ITGA8: variants seen among roughly 807,000 people sequenced by gnomAD.
ITGA8 encodes the protein integrin subunit alpha 8.
A neutral mutation model predicts 142.3 loss-of-function variants in ITGA8; 91 were observed. The observed-to-expected ratio is 0.64, with a 90% CI of 0.54 to 0.76. ITGA8 has a LOEUF of 0.76. Ranked by LOEUF, ITGA8 falls within the 30% of genes least tolerant of loss-of-function variation. The pLI is 0.00. For missense variants in ITGA8, 1,406 were observed against 1,327.7 expected (o/e 1.06, Z -0.92); for synonymous variants, 505 against 485.2 (o/e 1.04, Z -0.54).
rs768261688 is a variant in ITGA8, at chr10:15,548,480, C to T, written c.2855G>A (p.Arg952Gln). The T allele has an allele frequency of 1.7e-5, 27 of 1,609,830 alleles. No individual in the cohort carries two copies. Among genetic ancestry groups the T allele is most frequent in the Admixed American group, 3.4e-5 (2 of 58,948 alleles). ...GESAVLKVRSRLWAHTFLQRK... is the reference protein window; with the variant it reads ...GESAVLKVRSQLWAHTFLQRK... ...CTGGAGGAAGGTGTGGGCCCATAAT[C>T]GTGACCTGACTTTCAGGACTGCGCT... Residue 952 changes from arginine (R) to glutamine (Q), a missense_variant, in exon 27 of 30, where the codon CGA (arginine) becomes CAA (glutamine). Physicochemically the swap from Arg to Gln is conservative, Grantham distance 43. Transcript: ENST00000378076.
intron 27 of ITGA8, among the ~76,000 whole-genome samples, chr10:15,533,633 A>G (rs1464919683): frequency 1.3e-5 from 2 of 152,212 alleles, no homozygotes; most frequent in Non-Finnish European, 2.9e-5. Context: ...AAAAATTGAT[A>G]GAAAATATTA....
chr10:15,625,339 C>T (rs1233901881), intron 13 of ITGA8, among the ~76,000 whole-genome samples: 1 of 152,196 alleles, frequency 6.6e-6, no homozygotes, highest in Non-Finnish European at 1.5e-5. Flanking sequence ...CAAGAATGAT[C>T]CTTCCACCTT....
chr10:15,590,963 A>G (rs1419296709), intron 22 of ITGA8, among the ~76,000 whole-genome samples: 2 of 152,186 alleles, frequency 1.3e-5, no homozygotes, highest in African/African-American at 4.8e-5. Flanking sequence ...GGGTGGGAGA[A>G]TAATTTGTGA....
At chr10:15,615,502 T>A (rs1833375081) in intron 14 of ITGA8, among the ~76,000 whole-genome samples, 1 of 152,116 alleles carries the variant, frequency 6.6e-6, no homozygotes, top group Admixed American at 6.6e-5. Context: ...TTCTCATAAG[T>A]CATATGACCT....
At position 15,517,245 on chromosome 10, in the gene ITGA8, C is replaced by A. The variant is rs1339293171; in HGVS notation, c.3106-1G>T. 1.9e-6 allele frequency: 3 copies of A among 1,602,796 alleles called. No individual in the cohort carries two copies. The highest frequency in any genetic ancestry group is 2.6e-6 in the Non-Finnish European group (3 of 1,173,358). On this transcript the variant is annotated splice_acceptor_variant, in intron 29 of 29. Coordinates refer to ENST00000378076, the MANE Select transcript of ITGA8 (RefSeq NM_003638.3). LOFTEE classifies it high-confidence loss of function. The stretch of plus-strand genomic sequence containing the variant: ...GTCTGGCTCTGTCAAAGAATCCACA[C>A]TATAAAGGGAAAGATGGGCTATAAA...
rs991690041 is a variant in ITGA8 at position 15,515,428 on chromosome 10, C to T, written c.*1730G>A. 2.6e-5 allele frequency: 4 copies of T among 152,214 alleles called. No individual in the cohort carries two copies. The highest frequency in any genetic ancestry group is 9.6e-5 in the African/African-American group (4 of 41,464). 9.4% of individuals were successfully genotyped at this position (152,214 alleles called of 1,614,324 possible). A position where few individuals can be genotyped will look rare whatever the true frequency, so the allele number is the denominator to read the frequency against. The stretch of plus-strand genomic sequence containing the variant: ...TTTGCTCCTCAATGAAGTTCCGCAG[C>T]TGTAGCCAAATGGCTCCTCTCCAGC... On this transcript the variant is annotated 3_prime_UTR_variant, in exon 30 of 30. Coordinates refer to ENST00000378076, the MANE Select transcript of ITGA8 (RefSeq NM_003638.3).
At chr10:15,716,390 T>A (rs185614746) in intron 2 of ITGA8, among the ~76,000 whole-genome samples, 21 of 152,328 alleles carry the variant, frequency 1.4e-4, no homozygotes, top group Non-Finnish European at 1.5e-5. Context: ...CTTTGAGATA[T>A]CTAGACATTT....
chr10:15,585,563 C>G (rs1832813525), intron 23 of ITGA8, among the ~76,000 whole-genome samples: 1 of 152,208 alleles, frequency 6.6e-6, no homozygotes. Context: ...AACCAGCATT[C>G]TGGAACCCCA....
In ITGA8 at chr10:15,671,815, G is replaced by T. The variant is rs1444536622; in HGVS notation, c.803-168C>A. On this transcript the variant is annotated intron_variant, in intron 7 of 29. Transcript: ENST00000378076. ...AAGGGAAAAATTAATCACACCAAAA[G>T]GAACACTTTTATACTAAGTCCTGAG... Among the ~76,000 whole-genome samples the T allele has an allele frequency of 3.4e-5, 5 of 146,242 alleles. No individual in the cohort carries two copies. In the Admixed American group the frequency reaches 3.5e-4, roughly 10 times the overall value.
In ITGA8 at chr10:15,609,685, A is replaced by AC. The variant is rs1833257996; in HGVS notation, c.1554-1396_1554-1395insG. On this transcript the variant is annotated intron_variant, in intron 15 of 29. Transcript: ENST00000378076. ...ATTTTGTAGTAAGCCTGGCTTTCAA[A>AC]ATTAGAATTTTTCTGTATCCAACCT... 5.3e-5 allele frequency among the ~76,000 whole-genome samples: 8 copies of AC among 152,338 alleles called. No individual in the cohort carries two copies. In the East Asian group the frequency reaches 1.5e-3, roughly 29 times the overall value.
At position 15,598,846 on chromosome 10, in the gene ITGA8, G is replaced by A. The variant is rs371638535; in HGVS notation, c.2119-1547C>T. The stretch of plus-strand genomic sequence containing the variant: ...AATATCCTGAAAGACAGTTAGTTAC[G>A]TCGGATGAGCTAAAAAACATCTTTT... On this transcript the variant is annotated intron_variant, in intron 20 of 29. Coordinates refer to ENST00000378076, the MANE Select transcript of ITGA8 (RefSeq NM_003638.3). Among the ~76,000 whole-genome samples, 84 of 152,232 alleles carry A rather than the reference G, an allele frequency of 5.5e-4. 2 individuals are homozygous for A. In the South Asian group the frequency reaches 0.013, roughly 24 times the overall value.
intron 13 of ITGA8, among the ~76,000 whole-genome samples, chr10:15,638,618 T>C (rs1387022712): frequency 6.6e-6 from 1 of 152,218 alleles, no homozygotes; most frequent in Non-Finnish European, 1.5e-5. Flanking sequence ...TTGCTGTTGA[T>C]AAGTGTGGCT....
chr10:15,573,130 G>C (rs918019202), intron 24 of ITGA8, among the ~76,000 whole-genome samples: 6 of 151,954 alleles, frequency 3.9e-5, no homozygotes, highest in African/African-American at 1.5e-4. Context: ...ATGGATAATT[G>C]CTTTTGCTTA....
chr10:15,682,558 C>T (rs566227084), intron 4 of ITGA8, among the ~76,000 whole-genome samples: 2 of 152,202 alleles, frequency 1.3e-5, no homozygotes, highest in East Asian at 3.9e-4. Context: ...TAAAAGCCAT[C>T]AGGTTAAATG....
At chr10:15,688,326 C>T (rs1834871332) in intron 2 of ITGA8, among the ~76,000 whole-genome samples, 1 of 121,802 alleles carries the variant, frequency 8.2e-6, no homozygotes, top group Non-Finnish European at 1.8e-5. Flanking sequence ...AAAAAAAATG[C>T]TGGGCGTGGT....
At chr10:15,593,308 C>T (rs1413364368) in intron 21 of ITGA8, among the ~76,000 whole-genome samples, 1 of 152,078 alleles carries the variant, frequency 6.6e-6, no homozygotes, top group Admixed American at 6.6e-5. Flanking sequence ...TAATAGTTAA[C>T]ACATCTGTAA....
chr10:15,655,582 G>A (rs2131665430), intron 10 of ITGA8, among the ~76,000 whole-genome samples, 176 bp from the exon 11 acceptor site: 1 of 152,248 alleles, frequency 6.6e-6, no homozygotes, highest in African/African-American at 2.4e-5. Context: ...CTGACCCAGT[G>A]AATAATTTTC....
chr10:15,560,509 A>G (rs1440535844), intron 25 of ITGA8, among the ~76,000 whole-genome samples: 2 of 152,198 alleles, frequency 1.3e-5, no homozygotes, highest in African/African-American at 4.8e-5. Flanking sequence ...GAAAACAAAT[A>G]TTGATGTTTG....
intron 2 of ITGA8, among the ~76,000 whole-genome samples, chr10:15,704,553 C>G (rs1031579570): frequency 6.6e-6 from 1 of 152,128 alleles, no homozygotes; most frequent in Non-Finnish European, 1.5e-5. Context: ...TTTCTTTCAC[C>G]TCTAGATTTT....
Sources: allele counts gnomAD v4.1 joint callset (sites outside exome capture counted in the v4.1 genomes callset), GRCh38; gene constraint gnomAD v4.1.1; transcripts MANE v1.5; gene names NCBI Gene and HGNC (gene_info 2026-07-23, HGNC 2026-07-21).